Variants in CNBD1 observed in about 807,000 individuals in gnomAD.
CNBD1 encodes the protein cyclic nucleotide-binding domain-containing protein 1.
Under a neutral mutation model 54.4 loss-of-function variants are expected in CNBD1, and 71 were observed. The ratio of observed to expected loss-of-function variants is 1.30; its 90% CI spans 1.08 to 1.59. CNBD1 has a LOEUF of 1.59. Among genes scored for constraint, CNBD1 ranks in the 40% most tolerant of loss-of-function variants. The probability of loss-of-function intolerance (pLI) is 0.00; values close to 1 mark genes in which losing one functional copy is unlikely to be tolerated. For synonymous variants in CNBD1, 182 were observed against 170.7 expected (o/e 1.07, Z -0.51); for missense variants, 659 against 518.0 (o/e 1.27, Z -2.64).
chr8:87,177,315 C>T (rs897300120), intron 4 of CNBD1, among the ~76,000 whole-genome samples: 31 of 152,276 alleles, frequency 2.0e-4, no homozygotes, highest in African/African-American at 6.0e-4. Flanking sequence ...CAAGAATAGA[C>T]TCTTGCTATA....
chr8:86,965,850 C>T lies in CNBD1; in HGVS notation c.431+26096C>T, dbSNP rs1524832. On this transcript the variant is annotated intron_variant, in intron 4 of 10. Transcript: ENST00000518476. ...TAGCTCCTCTCATAGGCAGATCATC[C>T]GTGGAGCCTTCAGTTCTCAACAGAG... Among the ~76,000 whole-genome samples the T allele has an allele frequency of 3.6e-4, 55 of 152,194 alleles. 1 individual carries two copies. The highest frequency in any genetic ancestry group is 1.3e-3 in the African/African-American group (52 of 41,544).
chr8:87,387,670 C>T (rs1811218899), downstream of CNBD1, among the ~76,000 whole-genome samples: 1 of 152,118 alleles, frequency 6.6e-6, no homozygotes, highest in South Asian at 2.1e-4. Flanking sequence ...GACCTTAACA[C>T]CCCACTGTCA....
intron 4 of CNBD1, among the ~76,000 whole-genome samples, chr8:86,946,382 T>C (rs1807467158): frequency 1.3e-5 from 2 of 152,128 alleles, no homozygotes; most frequent in South Asian, 4.1e-4. Context: ...TTAAGTAGTA[T>C]TCAAAAACAA....
intron 4 of CNBD1, among the ~76,000 whole-genome samples, chr8:87,109,960 T>C (rs963716238): frequency 6.6e-6 from 1 of 152,178 alleles, no homozygotes; most frequent in Non-Finnish European, 1.5e-5. Context: ...CCCCAGGCCT[T>C]CTTTTTCCTG....
intron 8 of CNBD1, 148 bp from the exon 9 acceptor site, chr8:87,351,537 A>G: frequency 1.2e-5 from 8 of 663,296 alleles, no homozygotes; most frequent in South Asian, 2.5e-5. Context: ...TACATCTTGT[A>G]TTAAGTACTG....
chr8:87,098,462 C>T (rs1811360498), intron 4 of CNBD1, among the ~76,000 whole-genome samples: 2 of 152,000 alleles, frequency 1.3e-5, no homozygotes, highest in East Asian at 1.9e-4. Flanking sequence ...GTCCTGGGAG[C>T]AAGTGAAATT....
chr8:87,115,803 A>G (rs1219720990), intron 4 of CNBD1, among the ~76,000 whole-genome samples: 1 of 152,204 alleles, frequency 6.6e-6, no homozygotes. Context: ...GATACTGCAT[A>G]AGCCCTCTGG....
intron 6 of CNBD1, among the ~76,000 whole-genome samples, chr8:87,282,245 T>A (rs1449669168): frequency 6.6e-6 from 1 of 151,794 alleles, no homozygotes; most frequent in Non-Finnish European, 1.5e-5. Context: ...TCTGCTTGTC[T>A]GTTCTGAGTG....
intron 4 of CNBD1, among the ~76,000 whole-genome samples, chr8:87,001,774 T>G (rs1301831169): frequency 1.3e-5 from 2 of 152,172 alleles, no homozygotes; most frequent in Non-Finnish European, 2.9e-5. Context: ...TCTTTATTAA[T>G]GTCTTTAACT....
chr8:87,116,506 A>C (rs1171432331), intron 4 of CNBD1, among the ~76,000 whole-genome samples: 1 of 152,004 alleles, frequency 6.6e-6, no homozygotes, highest in African/African-American at 2.4e-5. Context: ...AAGCCACTGC[A>C]CCTGGTGCTC....
intron 10 of CNBD1, among the ~76,000 whole-genome samples, chr8:87,372,432 G>T (rs763439512): frequency 2.0e-5 from 3 of 151,808 alleles, no homozygotes; most frequent in Non-Finnish European, 4.4e-5. Context: ...GTTCCTCACT[G>T]GATAAAAAGT....
rs1277478708 is a variant in CNBD1 at position 87,323,716 on chromosome 8, G to T, written c.1043-27969G>T. On this transcript the variant is annotated intron_variant, in intron 8 of 10. Transcript: ENST00000518476. The stretch of plus-strand genomic sequence containing the variant: ...GGAGATTTTGGACTGAGACGATGGG[G>T]TTTTCTAGATAAACAATCATGTCAT... Among the ~76,000 whole-genome samples the T allele has an allele frequency of 3.6e-3, 471 of 131,450 alleles. 4 individuals are homozygous for T. Among genetic ancestry groups the T allele is most frequent in the African/African-American group, 0.012 (430 of 34,862 alleles). 86.2% of individuals were successfully genotyped at this position (131,450 alleles called of 152,430 possible). A position where few individuals can be genotyped will look rare whatever the true frequency, so the allele number is the denominator to read the frequency against.
chr8:87,016,937 A>G (rs1377850707), intron 4 of CNBD1, among the ~76,000 whole-genome samples: 1 of 152,176 alleles, frequency 6.6e-6, no homozygotes, highest in Non-Finnish European at 1.5e-5. Flanking sequence ...GATAACTGGG[A>G]TATCCTCCCA....
intron 10 of CNBD1, among the ~76,000 whole-genome samples, chr8:87,359,387 A>G (rs1385284663): frequency 6.6e-6 from 1 of 152,102 alleles, no homozygotes; most frequent in Non-Finnish European, 1.5e-5. Flanking sequence ...TCTAAATAGA[A>G]ATGTGCTTGA....
At chr8:87,079,000 C>T (rs1011643318) in intron 4 of CNBD1, among the ~76,000 whole-genome samples, 3 of 152,014 alleles carry the variant, frequency 2.0e-5, no homozygotes, top group African/African-American at 7.2e-5. Context: ...TCATTATGCC[C>T]ATAGGCAGTC....
chr8:87,253,432 C>T (rs901373823), intron 6 of CNBD1, among the ~76,000 whole-genome samples: 1 of 152,272 alleles, frequency 6.6e-6, no homozygotes, highest in Admixed American at 6.5e-5. Flanking sequence ...CCACACAGCC[C>T]TCTGGGTCGT....
chr8:87,398,095 T>A (rs13254531), intron 2 of CNBD1, among the ~76,000 whole-genome samples: 80,802 of 150,622 alleles, frequency 0.54, 22,592 homozygotes, highest in African/African-American at 0.67. Flanking sequence ...CAATTTTCTC[T>A]AAGTTTTTAG....
intron 8 of CNBD1, among the ~76,000 whole-genome samples, chr8:87,298,100 T>C (rs1335559704): frequency 1.3e-5 from 2 of 152,040 alleles, no homozygotes; most frequent in Admixed American, 1.3e-4. Context: ...ATAATAATTA[T>C]TTGAGAAAGT....
intron 4 of CNBD1, among the ~76,000 whole-genome samples, chr8:87,116,061 G>A (rs902091880): frequency 4.6e-5 from 7 of 151,698 alleles, no homozygotes; most frequent in African/African-American, 1.7e-4. Context: ...CTAACTCACT[G>A]GCCATTTTTA....
Sources: gnomAD v4.1 joint callset for allele counts (sites outside exome capture counted in the v4.1 genomes callset) on GRCh38, gnomAD v4.1.1 for gene constraint, MANE v1.5 for transcripts, NCBI Gene and HGNC (gene_info 2026-07-23, HGNC 2026-07-21) for gene names.